Variants in PKHD1 observed in about 807,000 individuals in gnomAD.
PKHD1 encodes the protein PKHD1 ciliary IPT domain containing fibrocystin/polyductin, also known as fibrocystin.
In PKHD1, 291 loss-of-function variants were observed where a neutral mutation model predicts 412.0. The ratio of observed to expected loss-of-function variants is 0.71; its 90% CI spans 0.64 to 0.78. PKHD1 has a LOEUF of 0.78. Ranked by LOEUF, PKHD1 falls within the 30% of genes least tolerant of loss-of-function variation. PKHD1 has a pLI of 0.00. For missense variants in PKHD1, 4,825 were observed against 4,950.7 expected, an observed-to-expected ratio of 0.97 and a Z score of 0.76; for synonymous variants, 1,777 against 1,821.5, an observed-to-expected ratio of 0.98 and a Z score of 0.62.
At chr6:52,076,607 C>T (rs1042400341) in intron 5 of PKHD1, among the ~76,000 whole-genome samples, 1 of 152,174 alleles carries the variant, frequency 6.6e-6, no homozygotes, top group Non-Finnish European at 1.5e-5. Flanking sequence ...CAAACCTTGA[C>T]AAGCCTGTTT....
At position 51,854,211 on chromosome 6, in the gene PKHD1, G is replaced by T. The variant is rs1428915630; in HGVS notation, c.7911+1682C>A. 4.0e-5 allele frequency among the ~76,000 whole-genome samples: 6 copies of T among 151,828 alleles called. No individual in the cohort carries two copies. The South Asian group carries it at 1.0e-3, about 26-fold the overall frequency. ...TCTGTTGGGCTGCTGCAGTTTGCTGGGGGTTCACTTCAGGCCCTATTCATC... is the reference window on the plus strand; with the variant it reads ...TCTGTTGGGCTGCTGCAGTTTGCTGTGGGTTCACTTCAGGCCCTATTCATC... On this transcript the variant is annotated intron_variant, in intron 49 of 66. Transcript: ENST00000371117.
intron 45 of PKHD1, among the ~76,000 whole-genome samples, chr6:51,884,736 A>G (rs1193342640): frequency 6.6e-6 from 1 of 152,134 alleles, no homozygotes; most frequent in Non-Finnish European, 1.5e-5. Flanking sequence ...TCATTTTACT[A>G]GATTATTTCC....
chr6:51,636,024 A>G (rs1161756982), intron 64 of PKHD1, among the ~76,000 whole-genome samples: 1 of 152,174 alleles, frequency 6.6e-6, no homozygotes, highest in Non-Finnish European at 1.5e-5. Context: ...TGGAAAGGCT[A>G]GCTACGAAGT....
At chr6:52,065,168 TAG>T (rs70977326) in intron 12 of PKHD1, 118 bp from the exon 13 acceptor site, 37 of 31,702 alleles carry the variant, frequency 1.2e-3, no homozygotes, top group South Asian at 1.8e-3. Flanking sequence ...TATATATATA[TAG>T]AGAGAGAGAG....
chr6:51,618,858 G>C lies in PKHD1; in HGVS notation c.*223C>G. The stretch of plus-strand genomic sequence containing the variant: ...ATTAACAAGTGCCATTATTTGCCTA[G>C]CATTGAACTAGGATCATGATAGCTG... On this transcript the variant is annotated 3_prime_UTR_variant, in exon 67 of 67. Coordinates refer to ENST00000371117, the MANE Select transcript of PKHD1 (RefSeq NM_138694.4). 1 of 584,196 alleles carries C rather than the reference G, an allele frequency of 1.7e-6. No individual in the cohort carries two copies. Among genetic ancestry groups the C allele is most frequent in the Non-Finnish European group, 3.0e-6 (1 of 328,718 alleles). The allele number at this position is 584,196 out of a possible 1,614,324, so 36.2% of individuals were successfully genotyped here.
chr6:51,817,865 C>G (rs1242781340), intron 52 of PKHD1, among the ~76,000 whole-genome samples: 1 of 152,112 alleles, frequency 6.6e-6, no homozygotes, highest in Middle Eastern at 3.2e-3. Context: ...GCCCAGACAG[C>G]CTGGGCAGAG....
At chr6:51,705,535 C>G (rs893504823) in intron 60 of PKHD1, among the ~76,000 whole-genome samples, 1 of 151,978 alleles carries the variant, frequency 6.6e-6, no homozygotes, top group Non-Finnish European at 1.5e-5. Flanking sequence ...AAGTAGAGAC[C>G]CTGTATTAGA....
chr6:51,654,244 C>A (rs950773224), intron 61 of PKHD1, among the ~76,000 whole-genome samples: 1 of 152,022 alleles, frequency 6.6e-6, no homozygotes, highest in African/African-American at 2.4e-5. Flanking sequence ...GTTAATGTTA[C>A]AAAAAACTGG....
rs147660634 is a variant in PKHD1, at chr6:51,722,892, G to A, written c.10156+21493C>T. Among the ~76,000 whole-genome samples, 751 of 152,236 alleles carry A rather than the reference G, an allele frequency of 4.9e-3. 8 individuals carry two copies. The highest frequency in any genetic ancestry group is 0.017 in the African/African-American group (699 of 41,546). Reference sequence around the variant, plus strand: ...GAAAAAAACACAGGACCTCTGCAAAGTCTCCTGCAACAGGGAACCACCACA... The same window carrying A: ...GAAAAAAACACAGGACCTCTGCAAAATCTCCTGCAACAGGGAACCACCACA... On this transcript the variant is annotated intron_variant, in intron 60 of 66. Transcript: ENST00000371117.
intron 53 of PKHD1, among the ~76,000 whole-genome samples, chr6:51,776,405 GA>G (rs1288624585): frequency 6.6e-6 from 1 of 152,000 alleles, no homozygotes; most frequent in African/African-American, 2.4e-5. Flanking sequence ...AACCTGAATA[GA>G]ATGCACAAGC....
chr6:51,968,785 T>G (rs1490074924), intron 35 of PKHD1, among the ~76,000 whole-genome samples: 3 of 152,160 alleles, frequency 2.0e-5, no homozygotes, highest in African/African-American at 7.2e-5. Context: ...AACAGACTTC[T>G]ACAATGCCAG....
Position 51,748,549 on chromosome 6 carries a change from T to G in PKHD1, c.9067A>C (p.Ser3023Arg), listed in dbSNP as rs749232400. 2 of 1,613,780 alleles carry G rather than the reference T, an allele frequency of 1.2e-6. No individual in the cohort carries two copies. Among genetic ancestry groups the G allele is most frequent in the Admixed American group, 3.3e-5 (2 of 59,968 alleles). The change falls in exon 58 of 67, where the codon AGC becomes CGC. Residue 3023 changes from serine to arginine, a missense_variant. Physicochemically the swap from Ser to Arg is moderately radical, Grantham distance 110. Transcript: ENST00000371117. ...SWIISSTLHQ[S>R]CGGGIHAAAS... ...GCTGCATGAATGCCCCCGCCACAGC[T>G]CTGGTGCAGAGTAGATGATATGATC...
chr6:51,817,158 T>A (rs1223037453), intron 52 of PKHD1, among the ~76,000 whole-genome samples: 3 of 152,040 alleles, frequency 2.0e-5, no homozygotes, highest in South Asian at 2.1e-4. Flanking sequence ...TTGAGGGGTT[T>A]TTTTTCCCAT....
At chr6:52,055,249 T>G (rs1196004452) in intron 19 of PKHD1, among the ~76,000 whole-genome samples, 2 of 152,172 alleles carry the variant, frequency 1.3e-5, no homozygotes, top group Non-Finnish European at 2.9e-5. Flanking sequence ...AAGACAGACA[T>G]GGAAGGTACA....
chr6:51,967,089 A>G (rs1333299497), intron 35 of PKHD1, among the ~76,000 whole-genome samples: 1 of 152,140 alleles, frequency 6.6e-6, no homozygotes, highest in Non-Finnish European at 1.5e-5. Flanking sequence ...TAGTGATGCA[A>G]TGAGAAACAC....
intron 53 of PKHD1, among the ~76,000 whole-genome samples, chr6:51,788,866 A>C (rs1223908630): frequency 2.0e-5 from 3 of 152,192 alleles, no homozygotes; most frequent in African/African-American, 7.2e-5. Flanking sequence ...AGTTATGTTT[A>C]ATATCCCTCT....
chr6:51,949,779 G>A (rs569714235), intron 36 of PKHD1, among the ~76,000 whole-genome samples: 1 of 152,116 alleles, frequency 6.6e-6, no homozygotes, highest in Non-Finnish European at 1.5e-5. Flanking sequence ...TTTAAGGATT[G>A]GGGGCAAAGG....
chr6:51,663,789 ATTC>A (rs1380607390), intron 60 of PKHD1, among the ~76,000 whole-genome samples: 4 of 152,158 alleles, frequency 2.6e-5, no homozygotes, highest in Non-Finnish European at 5.9e-5. Flanking sequence ...CTCTAAATTG[ATTC>A]TTAATATATG....
chr6:51,796,925 T>C (rs1027380922), intron 52 of PKHD1, among the ~76,000 whole-genome samples: 3 of 151,740 alleles, frequency 2.0e-5, no homozygotes, highest in African/African-American at 7.2e-5. Context: ...TGGATTCCCT[T>C]GCCTCAGGCT....
Sources: allele counts gnomAD v4.1 joint callset (sites outside exome capture counted in the v4.1 genomes callset), GRCh38; gene constraint gnomAD v4.1.1; transcripts MANE v1.5; gene names NCBI Gene and HGNC (gene_info 2026-07-23, HGNC 2026-07-21).